Variants in PTPRG observed in about 807,000 individuals in gnomAD.
PTPRG encodes protein tyrosine phosphatase receptor type G.
PTPRG carries 102 observed loss-of-function variants against 165.3 expected under a neutral mutation model. The observed-to-expected ratio is 0.62, with a 90% CI of 0.53 to 0.73. PTPRG has a LOEUF of 0.73. Among genes scored for constraint, PTPRG ranks in the 30% least tolerant of loss-of-function variants. PTPRG has a pLI of 0.00. For missense variants in PTPRG, 1,866 were observed against 1,861.4 expected, an observed-to-expected ratio of 1.00 and a Z score of -0.05; for synonymous variants, 675 against 669.5, an observed-to-expected ratio of 1.01 and a Z score of -0.13.
Position 62,243,955 on chromosome 3 carries a change from C to A in PTPRG, c.2467+57C>A. The A allele has an allele frequency of 3.7e-6, 4 of 1,084,620 alleles. No individual in the cohort carries two copies. In the South Asian group the frequency reaches 5.6e-5, roughly 15 times the overall value. The allele number at this position is 1,084,620 out of a possible 1,614,324, so 67.2% of individuals were successfully genotyped here. A position where few individuals can be genotyped will look rare whatever the true frequency, so the allele number is the denominator to read the frequency against. On this transcript the variant is annotated intron_variant, in intron 15 of 29. Coordinates refer to ENST00000474889, the MANE Select transcript of PTPRG (RefSeq NM_002841.4). The stretch of plus-strand genomic sequence containing the variant: ...GCTAATTGTTTTTCTCTTTTATTCT[C>A]AGTTTTATGTGATAAAACAACAAAA...
At chr3:61,843,908 ATAT>A (rs1436498283) in intron 2 of PTPRG, among the ~76,000 whole-genome samples, 1 of 151,616 alleles carries the variant, frequency 6.6e-6, no homozygotes, top group Non-Finnish European at 1.5e-5. Flanking sequence ...AAGTAAAATA[ATAT>A]TATAGTTTAT....
At chr3:62,072,593 G>T (rs964668518) in intron 4 of PTPRG, among the ~76,000 whole-genome samples, 1 of 150,964 alleles carries the variant, frequency 6.6e-6, no homozygotes, top group African/African-American at 2.5e-5. Flanking sequence ...GTTTGTTTCT[G>T]TGCTTGAGAA....
intron 5 of PTPRG, among the ~76,000 whole-genome samples, chr3:62,115,530 T>A (rs567265048): frequency 6.6e-6 from 1 of 152,292 alleles, no homozygotes; most frequent in Non-Finnish European, 1.5e-5. Context: ...AGAATTAATG[T>A]CACTTCTATA....
chr3:62,268,793 A>G (rs1242760993), intron 19 of PTPRG, among the ~76,000 whole-genome samples: 1 of 152,180 alleles, frequency 6.6e-6, no homozygotes, highest in African/African-American at 2.4e-5. Context: ...AATGCATTAT[A>G]TATTGAAAGG....
At chr3:62,013,959 G>A (rs1288538735) in intron 4 of PTPRG, among the ~76,000 whole-genome samples, 1 of 152,110 alleles carries the variant, frequency 6.6e-6, no homozygotes. Context: ...CAGGCCGCCA[G>A]ATCAGATGTA....
chr3:61,894,792 C>G (rs1006017559), intron 2 of PTPRG, among the ~76,000 whole-genome samples: 4 of 152,070 alleles, frequency 2.6e-5, no homozygotes, highest in Admixed American at 6.6e-5. Context: ...TACCTTTGCC[C>G]TTGGAGATCA....
chr3:61,922,356 T>C (rs541384066), intron 2 of PTPRG, among the ~76,000 whole-genome samples: 1 of 152,382 alleles, frequency 6.6e-6, no homozygotes, highest in African/African-American at 2.4e-5. Flanking sequence ...GCAGGCTTCC[T>C]GCCTTCAAAA....
intron 4 of PTPRG, among the ~76,000 whole-genome samples, chr3:62,073,816 C>T (rs956499269): frequency 5.3e-5 from 8 of 152,252 alleles, no homozygotes; most frequent in South Asian, 2.1e-4. Flanking sequence ...CTGCCCTGTA[C>T]GCTTCCAACT....
rs1357108785 is a variant in PTPRG, at chr3:62,203,158, G to C, written c.1378-15G>C. 1.9e-6 allele frequency: 3 copies of C among 1,557,582 alleles called. No individual in the cohort carries two copies. The highest frequency in any genetic ancestry group is 2.6e-6 in the Non-Finnish European group (3 of 1,149,428). ...TTCTGCCTCTTTTCCACCCTTGCCGGGTGACCCTTTCCAGCCCACAGCGTC... is the reference window on the plus strand; with the variant it reads ...TTCTGCCTCTTTTCCACCCTTGCCGCGTGACCCTTTCCAGCCCACAGCGTC... On this transcript the variant is annotated splice_polypyrimidine_tract_variant and intron_variant, in intron 11 of 29. Transcript: ENST00000474889. The surrounding 1 kb of genome is among the most constrained non-coding windows in gnomAD (Gnocchi z 6.4).
chr3:61,664,701 C>T lies in PTPRG; in HGVS notation c.86-84177C>T, dbSNP rs183017446. On this transcript the variant is annotated intron_variant, in intron 1 of 29. Coordinates refer to ENST00000474889, the MANE Select transcript of PTPRG (RefSeq NM_002841.4). The stretch of plus-strand genomic sequence containing the variant: ...CAAAAATTAGTCAGGTGTGGTTGTA[C>T]ACGCCTGTAATCCCAGCTACTAGGG... Among the ~76,000 whole-genome samples, 683 of 152,190 alleles carry T rather than the reference C, an allele frequency of 4.5e-3. 5 individuals carry two copies. Among genetic ancestry groups the T allele is most frequent in the African/African-American group, 0.016 (649 of 41,532 alleles).
At chr3:61,842,857 C>T (rs2036681933) in intron 2 of PTPRG, among the ~76,000 whole-genome samples, 1 of 152,160 alleles carries the variant, frequency 6.6e-6, no homozygotes, top group African/African-American at 2.4e-5. Context: ...CATACTGACT[C>T]ACCATACCTG....
chr3:62,037,691 T>G (rs1467359544), intron 4 of PTPRG, among the ~76,000 whole-genome samples: 1 of 152,310 alleles, frequency 6.6e-6, no homozygotes, highest in South Asian at 2.1e-4. Flanking sequence ...GACAACATAC[T>G]GTAGACTAGA....
intron 4 of PTPRG, among the ~76,000 whole-genome samples, chr3:62,047,793 C>A (rs1224287822): frequency 1.3e-5 from 2 of 152,150 alleles, no homozygotes; most frequent in Non-Finnish European, 2.9e-5. Context: ...CCAGCAGGGG[C>A]CTTTGAGTTC....
At chr3:61,801,508 G>T (rs561390481) in intron 2 of PTPRG, among the ~76,000 whole-genome samples, 1 of 151,976 alleles carries the variant, frequency 6.6e-6, no homozygotes, top group Admixed American at 6.6e-5. Context: ...GAAGAAAGGG[G>T]AGGAGAAGAT....
At position 62,222,369 on chromosome 3, in the gene PTPRG, G is replaced by GC. The variant is rs1700670656; in HGVS notation, c.2288+3389dup. On this transcript the variant is annotated intron_variant, in intron 13 of 29. Coordinates refer to ENST00000474889, the MANE Select transcript of PTPRG (RefSeq NM_002841.4). The surrounding 1 kb of genome is among the most constrained non-coding windows in gnomAD (Gnocchi z 4.5). The stretch of plus-strand genomic sequence containing the variant: ...CTGTGTGGTCTTCTCGCTCAAGCAG[G>GC]CCCTCTGCCTGTTTGTACAGAGCAG... Among the ~76,000 whole-genome samples, 1 of 152,128 alleles carries GC rather than the reference G, an allele frequency of 6.6e-6. No homozygotes were observed. The highest frequency in any genetic ancestry group is 2.1e-4 in the South Asian group (1 of 4,830).
chr3:61,590,601 C>G (rs905716970), intron 1 of PTPRG, among the ~76,000 whole-genome samples: 6 of 152,108 alleles, frequency 3.9e-5, no homozygotes, highest in Non-Finnish European at 7.3e-5. Context: ...TTGACTACTT[C>G]CCTCTTGTCC....
intron 2 of PTPRG, among the ~76,000 whole-genome samples, chr3:61,847,330 C>T (rs968491748): frequency 6.6e-6 from 1 of 152,210 alleles, no homozygotes; most frequent in East Asian, 1.9e-4. Flanking sequence ...TGCCATCAGC[C>T]CACGGGAAAC....
intron 4 of PTPRG, among the ~76,000 whole-genome samples, chr3:62,030,284 T>C (rs1326663216): frequency 1.3e-5 from 2 of 152,076 alleles, no homozygotes; most frequent in African/African-American, 4.8e-5. Flanking sequence ...CACCCAAAGC[T>C]TAATTAGTTT....
intron 2 of PTPRG, among the ~76,000 whole-genome samples, chr3:61,885,891 G>T (rs1278814587): frequency 6.7e-6 from 1 of 150,068 alleles, no homozygotes; most frequent in African/African-American, 2.5e-5. Flanking sequence ...TTAATACAGA[G>T]CTGGGGTAGG....
Sources: gnomAD v4.1 joint callset for allele counts (sites outside exome capture counted in the v4.1 genomes callset) on GRCh38, gnomAD v4.1.1 for gene constraint, Gnocchi (gnomAD v3.1) non-coding constraint, MANE v1.5 for transcripts, NCBI Gene and HGNC (gene_info 2026-07-23, HGNC 2026-07-21) for gene names.